NTRK3: variants seen among roughly 807,000 people sequenced by gnomAD.
NTRK3 encodes the protein neurotrophic receptor tyrosine kinase 3.
Under a neutral mutation model 91.7 loss-of-function variants are expected in NTRK3, and 24 were observed. The observed-to-expected ratio is 0.26, with a 90% CI of 0.19 to 0.37. The LOEUF (loss-of-function observed/expected upper bound fraction) is 0.37. Ranked by LOEUF, NTRK3 falls within the 10% of genes least tolerant of loss-of-function variation. The pLI, the probability that NTRK3 is intolerant of heterozygous loss-of-function variation, is 1.00. For missense variants in NTRK3, 880 were observed against 1,068.9 expected (o/e 0.82, Z 2.46); for synonymous variants, 483 against 404.0 (o/e 1.20, Z -2.34).
chr15:88,137,571 A>G lies in NTRK3; in HGVS notation c.465-10T>C. On this transcript the variant is annotated splice_polypyrimidine_tract_variant and intron_variant, in intron 6 of 18. Transcript: ENST00000394480. ...GTTCTGCTCCAACTGCCTGTCGGCA[A>G]AGAGAGAGGGGAAGGGAACCTCTGA... 6.2e-7 allele frequency: 1 copy of G among 1,613,320 alleles called. No homozygotes were observed. The highest frequency in any genetic ancestry group is 1.1e-5 in the South Asian group (1 of 90,870).
intron 17 of NTRK3, among the ~76,000 whole-genome samples, chr15:87,910,129 C>A (rs770029117): frequency 2.6e-5 from 4 of 152,090 alleles, no homozygotes; most frequent in Non-Finnish European, 4.4e-5. Flanking sequence ...CTTCAGGACC[C>A]AGTAGGCCAG....
intron 14 of NTRK3, among the ~76,000 whole-genome samples, chr15:87,995,245 T>A (rs1224106156): frequency 1.3e-5 from 2 of 152,014 alleles, no homozygotes; most frequent in East Asian, 3.9e-4. Context: ...CCCTCACAGA[T>A]CTCACCCCTA....
chr15:87,900,629 C>T (rs568419192), intron 17 of NTRK3, among the ~76,000 whole-genome samples: 10 of 151,672 alleles, frequency 6.6e-5, no homozygotes, highest in African/African-American at 1.9e-4. Context: ...GAACACTGAA[C>T]GAAAGCTCAA....
chr15:88,256,322 C>A, exon 2 of NTRK3: 3 of 658,028 alleles, frequency 4.6e-6, no homozygotes, highest in Non-Finnish European at 5.5e-6. Context: ...AATCCTTCAG[C>A]GTCTGAAACC....
chr15:88,207,476 T>C (rs1457452719), intron 3 of NTRK3, among the ~76,000 whole-genome samples: 1 of 152,220 alleles, frequency 6.6e-6, no homozygotes, highest in East Asian at 1.9e-4. Flanking sequence ...GAGTTCAAGA[T>C]GAAATACACA....
At position 88,233,051 on chromosome 15, in the gene NTRK3, TC is replaced by T. The variant is rs1309278019; in HGVS notation, c.248+22854del. Among the ~76,000 whole-genome samples the T allele has an allele frequency of 1.3e-5, 2 of 152,162 alleles. No homozygotes were observed. Among genetic ancestry groups the T allele is most frequent in the African/African-American group, 4.8e-5 (2 of 41,426 alleles). Reference sequence around the variant, plus strand: ...CTCAGTGTCTTCGCTTTTATAAATCTCTGCCTCTTAATGATGGCTTCAAGGC... The same window carrying T: ...CTCAGTGTCTTCGCTTTTATAAATCTTGCCTCTTAATGATGGCTTCAAGGC... On this transcript the variant is annotated intron_variant, in intron 3 of 18. Transcript: ENST00000394480. The surrounding 1 kb of genome is among the most constrained non-coding windows in gnomAD (Gnocchi z 4.2).
At chr15:88,043,428 C>G (rs1054543794) in intron 13 of NTRK3, among the ~76,000 whole-genome samples, 1 of 152,100 alleles carries the variant, frequency 6.6e-6, no homozygotes, top group Non-Finnish European at 1.5e-5. Context: ...ATTTATTTTC[C>G]CTAAAGATTT....
intron 17 of NTRK3, among the ~76,000 whole-genome samples, chr15:87,880,701 G>C (rs142580052): frequency 1.3e-3 from 205 of 152,294 alleles, no homozygotes; most frequent in African/African-American, 4.9e-3. Flanking sequence ...TCTGAAGTGA[G>C]AGAGAAGGTT....
intron 13 of NTRK3, among the ~76,000 whole-genome samples, chr15:88,112,141 C>A (rs543751236): frequency 2.6e-5 from 4 of 152,114 alleles, no homozygotes; most frequent in Non-Finnish European, 5.9e-5. Context: ...CTCCTGACCT[C>A]GTGATCCGCC....
intron 14 of NTRK3, among the ~76,000 whole-genome samples, chr15:87,959,991 A>G (rs2072086269): frequency 6.6e-6 from 1 of 152,194 alleles, no homozygotes; most frequent in African/African-American, 2.4e-5. Context: ...GCATCCTACT[A>G]AAAAAGAAGT....
At chr15:87,907,016 T>C (rs2066808992) in intron 17 of NTRK3, among the ~76,000 whole-genome samples, 1 of 152,236 alleles carries the variant, frequency 6.6e-6, no homozygotes, top group South Asian at 2.1e-4. Context: ...GGTCTAAATT[T>C]ATGCCTGTAG....
chr15:88,068,433 AAAAACAAAAC>A (rs376024182), intron 13 of NTRK3, among the ~76,000 whole-genome samples: 37 of 152,210 alleles, frequency 2.4e-4, no homozygotes, highest in Non-Finnish European at 4.9e-4. Flanking sequence ...TCCATCTCAA[AAAAACAAAAC>A]AAAACAAAAC....
At position 88,141,283 on chromosome 15, in the gene NTRK3, CATA is replaced by C. The variant is rs1160019148; in HGVS notation, c.465-3725_465-3723del. 4.6e-5 allele frequency among the ~76,000 whole-genome samples: 7 copies of C among 152,284 alleles called. No individual in the cohort carries two copies. In the East Asian group the frequency reaches 1.4e-3, roughly 29 times the overall value. ...ACGAACATAATAGACATTATAGGAT[CATA>C]ATATTAGCATCGCACTTGCCGTAGT... On this transcript the variant is annotated intron_variant, in intron 6 of 18. Transcript: ENST00000394480.
chr15:88,195,842 C>A (rs77839893), intron 3 of NTRK3, among the ~76,000 whole-genome samples: 1 of 152,172 alleles, frequency 6.6e-6, no homozygotes, highest in Non-Finnish European at 1.5e-5. Flanking sequence ...TGAAAGTAAT[C>A]CAATAGTGCG....
intron 13 of NTRK3, among the ~76,000 whole-genome samples, chr15:88,088,904 A>G (rs145232099): frequency 5.9e-5 from 9 of 152,248 alleles, no homozygotes; most frequent in African/African-American, 2.2e-4. Flanking sequence ...CAGTGTCCCC[A>G]GGTATAAAAT....
At chr15:88,153,935 A>C (rs1383791396) in intron 5 of NTRK3, among the ~76,000 whole-genome samples, 1 of 152,024 alleles carries the variant, frequency 6.6e-6, no homozygotes, top group Non-Finnish European at 1.5e-5. Flanking sequence ...AAATATTCAG[A>C]TCATAGCAAT....
At chr15:87,919,136 G>A (rs1381406505) in intron 17 of NTRK3, among the ~76,000 whole-genome samples, 10 of 152,162 alleles carry the variant, frequency 6.6e-5, no homozygotes, top group Admixed American at 5.9e-4. Flanking sequence ...GAAGAAAGAT[G>A]AGAAATGTCC....
intron 3 of NTRK3, among the ~76,000 whole-genome samples, chr15:88,227,819 G>A (rs2050809584): frequency 1.3e-5 from 2 of 151,818 alleles, no homozygotes; most frequent in Admixed American, 6.6e-5. Context: ...CCTCCCCCTA[G>A]AAGCTGCATG....
intron 13 of NTRK3, among the ~76,000 whole-genome samples, chr15:88,094,156 A>C (rs1174833771): frequency 6.6e-6 from 1 of 152,162 alleles, no homozygotes; most frequent in Admixed American, 6.5e-5. Flanking sequence ...AGTGGGCTGC[A>C]GGAAGGGGCT....
Sources: allele counts gnomAD v4.1 joint callset (sites outside exome capture counted in the v4.1 genomes callset), GRCh38; gene constraint gnomAD v4.1.1; non-coding constraint Gnocchi (gnomAD v3.1); transcripts MANE v1.5; gene names NCBI Gene and HGNC (gene_info 2026-07-23, HGNC 2026-07-21).